MOV10L1: variants seen among roughly 807,000 people sequenced by gnomAD.
The protein encoded by MOV10L1 is RNA helicase Mov10l1.
In MOV10L1, 110 loss-of-function variants were observed where a neutral mutation model predicts 143.8. That is an observed-to-expected ratio of 0.76 (90% confidence interval 0.66 to 0.90). The LOEUF (loss-of-function observed/expected upper bound fraction) is 0.90. MOV10L1 is among the 40% of genes least tolerant of loss of function. MOV10L1 has a pLI of 0.00. For missense variants in MOV10L1, 1,406 were observed against 1,526.8 expected, an observed-to-expected ratio of 0.92 and a Z score of 1.32; for synonymous variants, 593 against 581.1, an observed-to-expected ratio of 1.02 and a Z score of -0.29.
intron 17 of MOV10L1, 149 bp from the exon 18 acceptor site, chr22:50,143,948 G>A (rs535254277): frequency 2.4e-5 from 24 of 996,196 alleles, no homozygotes; most frequent in South Asian, 8.3e-5. Context: ...AGGCAGAGTC[G>A]TGGCCCAGGT....
Position 50,161,629 on chromosome 22 carries a change from T to A in MOV10L1, c.*180T>A. 1 of 583,512 alleles carries A rather than the reference T, an allele frequency of 1.7e-6. No individual in the cohort carries two copies. Among genetic ancestry groups the A allele is most frequent in the Non-Finnish European group, 3.0e-6 (1 of 338,130 alleles). The allele number at this position is 583,512 out of a possible 1,614,324, so 36.1% of individuals were successfully genotyped here. Reference sequence around the variant, plus strand: ...CCTGACTTTGGCATATGCCAGCCTGTTCCTGCCACAGGGCAGTCACTGCCG... The same window carrying A: ...CCTGACTTTGGCATATGCCAGCCTGATCCTGCCACAGGGCAGTCACTGCCG... On this transcript the variant is annotated 3_prime_UTR_variant, in exon 27 of 27. Coordinates refer to ENST00000262794, the MANE Select transcript of MOV10L1 (RefSeq NM_018995.3).
chr22:50,160,961 C>G lies in MOV10L1; in HGVS notation c.3463-3C>G. On this transcript the variant is annotated splice_region_variant and splice_polypyrimidine_tract_variant and intron_variant, in intron 25 of 26. Transcript: ENST00000262794. Reference sequence around the variant, plus strand: ...ACACCAGGCTAATTGTTATTGCCAACAGGACCCCTGTTTTGGTGCTTTGCT... The same window carrying G: ...ACACCAGGCTAATTGTTATTGCCAAGAGGACCCCTGTTTTGGTGCTTTGCT... 1.2e-6 allele frequency: 2 copies of G among 1,614,142 alleles called. No homozygotes were observed. Among genetic ancestry groups the G allele is most frequent in the East Asian group, 2.2e-5 (1 of 44,882 alleles).
chr22:50,112,818 G>A (rs1432566788), intron 5 of MOV10L1, among the ~76,000 whole-genome samples: 2 of 152,236 alleles, frequency 1.3e-5, no homozygotes, highest in Non-Finnish European at 2.9e-5. Context: ...AGTCGCATCT[G>A]ACGACTCCTT....
chr22:50,115,687 T>C (rs2062154295), intron 8 of MOV10L1, among the ~76,000 whole-genome samples: 1 of 152,210 alleles, frequency 6.6e-6, no homozygotes, highest in Admixed American at 6.5e-5. Context: ...ATGAGGGTCC[T>C]CACCAGATGG....
intron 17 of MOV10L1, 43 bp downstream of exon 17, chr22:50,143,264 G>C (rs2063041640): frequency 6.3e-7 from 1 of 1,590,258 alleles, no homozygotes; most frequent in African/African-American, 1.3e-5. Context: ...CTGTGCTGCT[G>C]TTCATGTGTC....
intron 22 of MOV10L1, among the ~76,000 whole-genome samples, chr22:50,157,431 T>C (rs2063454952): frequency 1.3e-5 from 2 of 152,162 alleles, no homozygotes. Flanking sequence ...TGGGGCTTTT[T>C]CCCTGTTTTC....
In MOV10L1 at chr22:50,150,812, G is replaced by C; in HGVS notation, c.2805G>C (p.Val935=). 6.2e-7 allele frequency: 1 copy of C among 1,614,198 alleles called. No individual in the cohort carries two copies. The highest frequency in any genetic ancestry group is 1.3e-5 in the African/African-American group (1 of 75,046). ...SRLAMAYGLN[V]SFLERLMSRP... Reference sequence around the variant, plus strand: ...TCGCCATGGCCTATGGGCTGAACGTGTCCTTTTTGGAACGGCTGATGTCTC... The same window carrying C: ...TCGCCATGGCCTATGGGCTGAACGTCTCCTTTTTGGAACGGCTGATGTCTC... The change falls in exon 21 of 27, where the codon GTG becomes GTC. Residue 935 remains valine, a synonymous_variant. Coordinates refer to ENST00000262794, the MANE Select transcript of MOV10L1 (RefSeq NM_018995.3).
intron 22 of MOV10L1, among the ~76,000 whole-genome samples, chr22:50,154,228 C>T (rs2063367442): frequency 6.6e-6 from 1 of 152,122 alleles, no homozygotes; most frequent in Admixed American, 6.5e-5. Context: ...GTCCTGCTAG[C>T]TCTGCCCATC....
intron 3 of MOV10L1, among the ~76,000 whole-genome samples, chr22:50,100,770 G>T (rs372269829): frequency 5.9e-5 from 9 of 152,182 alleles, no homozygotes; most frequent in East Asian, 1.9e-4. Flanking sequence ...CTCCCAAAGT[G>T]CTGGGATTAC....
chr22:50,114,784 C>T (rs752267085), intron 7 of MOV10L1, among the ~76,000 whole-genome samples, 162 bp downstream of exon 7: 1 of 152,114 alleles, frequency 6.6e-6, no homozygotes, highest in African/African-American at 2.4e-5. Context: ...TTGCTGACGA[C>T]GTTAGGGAGA....
At chr22:50,124,446 C>T (rs138582860) in intron 10 of MOV10L1, among the ~76,000 whole-genome samples, 97 of 152,164 alleles carry the variant, frequency 6.4e-4, no homozygotes, top group Non-Finnish European at 1.2e-3. Flanking sequence ...ATTTGGTTTA[C>T]GATGTGTGGT....
chr22:50,090,187 T>TGGCTCGCGGGAGGC lies in MOV10L1; in HGVS notation c.97+7_97+20dup, dbSNP rs2062389127. 1 of 1,416,070 alleles carries TGGCTCGCGGGAGGC rather than the reference T, an allele frequency of 7.1e-7. No individual in the cohort carries two copies. Among genetic ancestry groups the TGGCTCGCGGGAGGC allele is most frequent in the Non-Finnish European group, 9.2e-7 (1 of 1,086,236 alleles). 87.7% of individuals were successfully genotyped at this position (1,416,070 alleles called of 1,614,324 possible). A position where few individuals can be genotyped will look rare whatever the true frequency, so the allele number is the denominator to read the frequency against. On this transcript the variant is annotated splice_region_variant and intron_variant, in intron 1 of 26. Coordinates refer to ENST00000262794, the MANE Select transcript of MOV10L1 (RefSeq NM_018995.3). Reference sequence around the variant, plus strand: ...AGCTGGAGCCCGAGCTCGCGGAAGGTGGCTCGCGGGAGGCGGCTGGGAGGC... The same window carrying TGGCTCGCGGGAGGC: ...AGCTGGAGCCCGAGCTCGCGGAAGGTGGCTCGCGGGAGGCGGCTCGCGGGAGGCGGCTGGGAGGC...
intron 3 of MOV10L1, among the ~76,000 whole-genome samples, chr22:50,101,581 G>T (rs1046485658): frequency 7.4e-6 from 1 of 134,906 alleles, no homozygotes; most frequent in African/African-American, 2.6e-5. Flanking sequence ...GTGCAGTGGT[G>T]GCTCACTGTA....
chr22:50,140,554 G>A (rs1479472866), intron 15 of MOV10L1, among the ~76,000 whole-genome samples: 8 of 152,034 alleles, frequency 5.3e-5, no homozygotes, highest in Admixed American at 4.6e-4. Context: ...GATAGCTGAT[G>A]AGCTGAAAAA....
chr22:50,110,564 G>A (rs1337176292), intron 5 of MOV10L1, among the ~76,000 whole-genome samples: 1 of 152,186 alleles, frequency 6.6e-6, no homozygotes, highest in African/African-American at 2.4e-5. Flanking sequence ...GCTGTTTTGG[G>A]TGGATTTTTC....
chr22:50,098,649 A>G (rs139795262), intron 2 of MOV10L1, among the ~76,000 whole-genome samples: 2 of 152,316 alleles, frequency 1.3e-5, no homozygotes, highest in African/African-American at 4.8e-5. Context: ...ACGTGTGTGG[A>G]ATCTTTAGAG....
chr22:50,121,289 C>G (rs186147238), intron 10 of MOV10L1, among the ~76,000 whole-genome samples: 185 of 152,202 alleles, frequency 1.2e-3, no homozygotes, highest in African/African-American at 4.2e-3. Context: ...TTCAGGGGAT[C>G]CTTTCCAAAT....
rs145162130 is a variant in MOV10L1 at position 50,159,869 on chromosome 22, A to G, written c.3324+84A>G. The G allele has an allele frequency of 5.1e-3, 4,407 of 856,242 alleles. 139 individuals are homozygous for G. The African/African-American group carries it at 0.067, about 13-fold the overall frequency. 53.0% of individuals were successfully genotyped at this position (856,242 alleles called of 1,614,324 possible). The stretch of plus-strand genomic sequence containing the variant: ...CTGGGGGCTTCAGATCTAAAGGGGC[A>G]GAGGCTGATTCCCAGCCCAGAGAAG... On this transcript the variant is annotated intron_variant, in intron 24 of 26. Transcript: ENST00000262794. The surrounding 1 kb of genome is among the most constrained non-coding windows in gnomAD (Gnocchi z 4.1).
intron 2 of MOV10L1, chr22:50,094,265 C>G (rs1023773936): frequency 6.6e-6 from 1 of 151,916 alleles, no homozygotes; most frequent in Non-Finnish European, 1.5e-5. Flanking sequence ...TTTTATAGTT[C>G]AATAGTTTTC....
Sources: gnomAD v4.1 joint callset for allele counts (sites outside exome capture counted in the v4.1 genomes callset) on GRCh38, gnomAD v4.1.1 for gene constraint, Gnocchi (gnomAD v3.1) non-coding constraint, MANE v1.5 for transcripts, NCBI Gene and HGNC (gene_info 2026-07-23, HGNC 2026-07-21) for gene names.